The following PIK3C2B variants were observed in gnomAD, a reference collection of about 807,000 sequenced individuals.
PIK3C2B encodes phosphatidylinositol-4-phosphate 3-kinase catalytic subunit type 2 beta, also known as phosphatidylinositol 4-phosphate 3-kinase C2 domain-containing subunit beta.
PIK3C2B carries 83 observed loss-of-function variants against 184.3 expected under a neutral mutation model. That is an observed-to-expected ratio of 0.45 (90% CI 0.38 to 0.54). The LOEUF is 0.54. Among genes scored for constraint, PIK3C2B ranks in the 20% least tolerant of loss-of-function variants. The pLI, the probability that PIK3C2B is intolerant of heterozygous loss-of-function variation, is 0.00. For missense variants in PIK3C2B, 1,736 were observed against 2,113.5 expected (o/e 0.82, Z 3.50); for synonymous variants, 779 against 837.6 (o/e 0.93, Z 1.21).
intron 12 of PIK3C2B, among the ~76,000 whole-genome samples, chr1:204,451,765 T>C (rs959741639): frequency 1.2e-4 from 19 of 152,320 alleles, no homozygotes; most frequent in African/African-American, 2.2e-4. Context: ...ATACAGATAG[T>C]ATTTTCATGC....
Position 204,460,600 on chromosome 1 carries a change from G to A in PIK3C2B, c.1372C>T (p.Arg458Trp), listed in dbSNP as rs144467079. Reference protein sequence around the residue: ...QYCRKFDIDIRLQLMEQKVVR... With the variant: ...QYCRKFDIDIWLQLMEQKVVR... ...ACCTTCTGCTCCATCAGCTGTAGCC[G>A]AATGTCAATGTCAAACTTGCGGCAG... Residue 458 changes from arginine to tryptophan, a missense_variant, in exon 6 of 33, where the codon CGG (arginine) becomes TGG (tryptophan). By Grantham distance (101) the Arg-to-Trp change is moderately radical. Transcript: ENST00000684373. The A allele has an allele frequency of 6.2e-6, 10 of 1,613,996 alleles. No homozygotes were observed. The highest frequency in any genetic ancestry group is 5.3e-5 in the African/African-American group (4 of 75,022).
chr1:204,463,814 C>T (rs1008049280), intron 5 of PIK3C2B, among the ~76,000 whole-genome samples, 198 bp downstream of exon 5: 1 of 152,000 alleles, frequency 6.6e-6, no homozygotes, highest in Non-Finnish European at 1.5e-5. Flanking sequence ...AGACTTGGCT[C>T]AGGACGTCAG....
intron 14 of PIK3C2B, among the ~76,000 whole-genome samples, chr1:204,448,848 C>T (rs1364299957): frequency 1.3e-5 from 2 of 152,030 alleles, no homozygotes; most frequent in Admixed American, 6.6e-5. Flanking sequence ...CCCTCAGGCC[C>T]CAAGAGGACC....
intron 1 of PIK3C2B, among the ~76,000 whole-genome samples, chr1:204,493,524 AACAC>A (rs3038310): frequency 3.9e-4 from 56 of 143,992 alleles, no homozygotes; most frequent in South Asian, 9.1e-4. Flanking sequence ...AATGGCAGAA[AACAC>A]ACACACACAC....
chr1:204,438,142 G>C (rs977555103), intron 23 of PIK3C2B, among the ~76,000 whole-genome samples: 3 of 152,302 alleles, frequency 2.0e-5, no homozygotes, highest in African/African-American at 4.8e-5. Flanking sequence ...AAAGTACATT[G>C]ATCAATATAA....
rs191970557 is a variant in PIK3C2B, at chr1:204,482,753, C to T, written c.-85+11603G>A. ...GAGCCGAGATCGCGCCACTGCACTG[C>T]ACTCTGTCTCAAAAAAAAAAAAGAA... On this transcript the variant is annotated intron_variant, in intron 1 of 32. Coordinates refer to ENST00000684373, the MANE Select transcript of PIK3C2B (RefSeq NM_001377334.1). Among the ~76,000 whole-genome samples the T allele has an allele frequency of 6.3e-3, 957 of 151,676 alleles. 9 individuals carry two copies. The highest frequency in any genetic ancestry group is 0.022 in the African/African-American group (902 of 41,338).
chr1:204,426,859 G>A (rs1674770237), intron 31 of PIK3C2B, among the ~76,000 whole-genome samples: 1 of 152,152 alleles, frequency 6.6e-6, no homozygotes, highest in South Asian at 2.1e-4. Flanking sequence ...TTCCTGGCTG[G>A]GCGTGGTGGC....
intron 29 of PIK3C2B, among the ~76,000 whole-genome samples, chr1:204,429,327 T>C (rs986826027): frequency 3.9e-5 from 6 of 152,238 alleles, no homozygotes; most frequent in Admixed American, 1.3e-4. Flanking sequence ...GTTAAGATTA[T>C]GGTACTGCAA....
chr1:204,444,378 A>G lies in PIK3C2B; in HGVS notation c.2725T>C (p.Ser909Pro), dbSNP rs1215871219. ...VRRMAVQWIG[S>P]LSDAELLDYL... ...TCTAGCAGCTCAGCATCTGAGAGTG[A>G]GCCAATCCACTGCACAGCCATACGA... Residue 909 changes from serine (S) to proline (P), a missense_variant, in exon 17 of 33, where the codon TCA becomes CCA. Physicochemically the swap from Ser to Pro is moderately conservative, Grantham distance 74. Coordinates refer to ENST00000684373, the MANE Select transcript of PIK3C2B (RefSeq NM_001377334.1). The G allele has an allele frequency of 6.2e-7, 1 of 1,613,910 alleles. No homozygotes were observed. Among genetic ancestry groups the G allele is most frequent in the East Asian group, 2.2e-5 (1 of 44,890 alleles).
Position 204,431,790 on chromosome 1 carries a change from A to G in PIK3C2B, c.4159T>C (p.Tyr1387His). 2.5e-6 allele frequency: 4 copies of G among 1,614,144 alleles called. No individual in the cohort carries two copies. Among genetic ancestry groups the G allele is most frequent in the South Asian group, 1.1e-5 (1 of 91,090 alleles). ...TTCTCTCGCATCACCTTTACCACAT[A>G]TATCTGCAAAGGTCCAGATCTTAGG... ...KIFHPNKGYI[Y>H]VVKVMRENTH... Residue 1387 changes from tyrosine (Y) to histidine (H), a missense_variant, in exon 28 of 33, where the codon TAT becomes CAT. By Grantham distance (83) the Tyr-to-His change is moderately conservative (BLOSUM62 2). Transcript: ENST00000684373.
chr1:204,435,201 A>G (rs1039493293), intron 23 of PIK3C2B: 5 of 147,460 alleles, frequency 3.4e-5, no homozygotes, highest in African/African-American at 9.7e-5. Flanking sequence ...AGTGTTTTAC[A>G]CTTGAAAATG....
chr1:204,455,027 GT>G (rs1654712291), intron 11 of PIK3C2B, among the ~76,000 whole-genome samples: 1 of 152,218 alleles, frequency 6.6e-6, no homozygotes, highest in African/African-American at 2.4e-5. Context: ...GAGCCTTGTT[GT>G]TTTTCTTCCT....
At chr1:204,489,666 G>A in intron 1 of PIK3C2B, 1 of 367,076 alleles carries the variant, frequency 2.7e-6, no homozygotes, top group Non-Finnish European at 4.8e-6. Context: ...CTCTCTGGGA[G>A]ACACACAGCA....
chr1:204,475,039 G>A (rs1464653359), intron 1 of PIK3C2B, among the ~76,000 whole-genome samples: 1 of 152,006 alleles, frequency 6.6e-6, no homozygotes, highest in Non-Finnish European at 1.5e-5. Context: ...CCTAATTCAA[G>A]CCCTTATCTT....
intron 1 of PIK3C2B, chr1:204,489,994 T>TGGTGG (rs890440544): frequency 2.5e-6 from 1 of 397,244 alleles, no homozygotes; most frequent in African/African-American, 2.1e-5. Flanking sequence ...AGCTTCTTCC[T>TGGTGG]GGTGGGCTTG....
In PIK3C2B at chr1:204,432,393, T is replaced by C; in HGVS notation, c.3962A>G (p.Glu1321Gly). The C allele has an allele frequency of 6.2e-7, 1 of 1,613,918 alleles. No individual in the cohort carries two copies. The highest frequency in any genetic ancestry group is 1.1e-5 in the South Asian group (1 of 91,080). Residue 1321 changes from glutamate (E) to glycine (G), a missense_variant, in exon 27 of 33, where the codon GAG (glutamate) becomes GGG (glycine). Around this residue, in one of 8 missense-constraint regions of PIK3C2B, gnomAD observed 119 missense variants for 179.3 expected, o/e 0.66. Coordinates refer to ENST00000684373, the MANE Select transcript of PIK3C2B (RefSeq NM_001377334.1). Reference sequence around the variant, plus strand: ...TGTGGCTACACTGCCCAGGCTGGACTCAATCAACCTGGCAGGAGGATAAGA... The same window carrying C: ...TGTGGCTACACTGCCCAGGCTGGACCCAATCAACCTGGCAGGAGGATAAGA... ...NATTYFTRLI[E>G]SSLGSVATKL...
In PIK3C2B at chr1:204,442,541, C is replaced by G; in HGVS notation, c.3141G>C (p.Lys1047Asn). The G allele has an allele frequency of 1.3e-6, 2 of 1,553,746 alleles. No individual in the cohort carries two copies. Among genetic ancestry groups the G allele is most frequent in the Non-Finnish European group, 1.7e-6 (2 of 1,148,028 alleles). The stretch of plus-strand genomic sequence containing the variant: ...AGTCACTCACCCTGGGCACAATTCC[C>G]TTAACCAGCAGACTGGGGCTGAGTG... ...RLPLSPSLLV[K>N]GIVPRDCSYF... The change falls in exon 20 of 33, where the codon AAG becomes AAC. Residue 1047 changes from lysine (K) to asparagine (N), a missense_variant. Physicochemically the swap from Lys to Asn is moderately conservative, Grantham distance 94 (BLOSUM62 0). This residue lies in a region of PIK3C2B where 289 missense variants were observed against 380.4 expected (regional missense o/e 0.76). Coordinates refer to ENST00000684373, the MANE Select transcript of PIK3C2B (RefSeq NM_001377334.1).
rs950642374 is a variant in PIK3C2B, at chr1:204,482,117, G to C, written c.-84-12231C>G. Among the ~76,000 whole-genome samples, 131 of 23,924 alleles carry C rather than the reference G, an allele frequency of 5.5e-3. 5 individuals carry two copies. The highest frequency in any genetic ancestry group is 8.0e-3 in the South Asian group (4 of 498). 15.7% of individuals were successfully genotyped at this position (23,924 alleles called of 152,430 possible). ...AATGAGCCATGAAAAGACGGGGGGG[G>C]GGGGGGGGGTGCTCTCTAATGTTAG... On this transcript the variant is annotated intron_variant, in intron 1 of 32. Coordinates refer to ENST00000684373, the MANE Select transcript of PIK3C2B (RefSeq NM_001377334.1).
At chr1:204,466,587 C>A (rs1300880307) in intron 2 of PIK3C2B, among the ~76,000 whole-genome samples, 1 of 151,910 alleles carries the variant, frequency 6.6e-6, no homozygotes, top group Non-Finnish European at 1.5e-5. Context: ...AACAATAGCA[C>A]CACTGTCAGC....
Sources: allele counts gnomAD v4.1 joint callset (sites outside exome capture counted in the v4.1 genomes callset), GRCh38; gene constraint gnomAD v4.1.1; regional missense constraint gnomAD v4.1.1; transcripts MANE v1.5; gene names NCBI Gene and HGNC (gene_info 2026-07-23, HGNC 2026-07-21).